RPL6: variants seen among roughly 807,000 people sequenced by gnomAD.
The protein encoded by RPL6 is large ribosomal subunit protein eL6.
In RPL6, 1 loss-of-function variant was observed where a neutral mutation model predicts 32.1. That is an observed-to-expected ratio of 0.03 (90% CI 0.01 to 0.15). The LOEUF (loss-of-function observed/expected upper bound fraction) is 0.15. Among genes scored for constraint, RPL6 ranks in the 10% least tolerant of loss-of-function variants. The probability of loss-of-function intolerance (pLI) is 1.00; values close to 1 mark genes in which losing one functional copy is unlikely to be tolerated. For missense variants in RPL6, 275 were observed against 354.6 expected (o/e 0.78, Z 1.80); for synonymous variants, 126 against 131.6 (o/e 0.96, Z 0.29).
rs200918470 is a variant in RPL6, at chr12:112,406,768, G to A, written c.459C>T (p.Leu153=). The A allele has an allele frequency of 1.4e-5, 22 of 1,614,122 alleles. No individual in the cohort carries two copies. The highest frequency in any genetic ancestry group is 1.7e-5 in the Non-Finnish European group (20 of 1,180,054). ...TCACCTTGCCCCTGTGGCGTCCAGT[G>A]AGGATGATCAGAATGGTCCCGGGGG... ...SITPGTILII[L]TGRHRGKRVV... Residue 153 remains leucine, a synonymous_variant, in exon 4 of 7, where the codon CTC becomes CTT. Transcript: ENST00000202773.
intron 1 of RPL6, among the ~76,000 whole-genome samples, chr12:112,416,428 C>T (rs1337478108): frequency 6.6e-6 from 1 of 152,028 alleles, no homozygotes; most frequent in Non-Finnish European, 1.5e-5. Context: ...CGTGAGCCAC[C>T]GCGCCCAGCC....
intron 1 of RPL6, among the ~76,000 whole-genome samples, chr12:112,417,467 C>G (rs576686198): frequency 6.6e-6 from 1 of 151,592 alleles, no homozygotes. Flanking sequence ...TATAGTATTC[C>G]GTATTTTGAC....
At chr12:112,410,302 G>T, upstream of RPL6, 1 of 286,886 alleles carries the variant, frequency 3.5e-6, no homozygotes, top group Non-Finnish European at 7.0e-6. Flanking sequence ...TTAGGTCAGT[G>T]GTCCCCTCTT....
rs1208983648 is a variant in RPL6, at chr12:112,405,292, G to A, written c.799C>T (p.Leu267Phe). 1.2e-6 allele frequency: 2 copies of A among 1,609,950 alleles called. No homozygotes were observed. Among genetic ancestry groups the A allele is most frequent in the Non-Finnish European group, 1.7e-6 (2 of 1,178,594 alleles). ...ILPKIKAIPQ[L>F]QGYLRSVFAL... ...AACACAGATCGCAGGTAGCCCTGGA[G>A]CTGAGGAATAGCTTTGATTTTTGGT... Residue 267 changes from leucine (L) to phenylalanine (F), a missense_variant, in exon 7 of 7, where the codon CTC (leucine) becomes TTC (phenylalanine). Physicochemically the swap from Leu to Phe is conservative, Grantham distance 22. Transcript: ENST00000202773.
chr12:112,408,502 C>G lies in RPL6; in HGVS notation c.155G>C (p.Arg52Thr), dbSNP rs767206475. ...AGATCGGGAATACCTGCCAATTCCT[C>G]TGACAAGGACAGGGTTGCGGCTGCA... ...PHCSRNPVLV[R>T]GIGRYSRSAM... Residue 52 changes from arginine to threonine, a missense_variant, in exon 2 of 7, where the codon AGA becomes ACA. Transcript: ENST00000202773. The G allele has an allele frequency of 6.2e-7, 1 of 1,613,860 alleles. No individual in the cohort carries two copies.
In RPL6 at chr12:112,409,396, G is replaced by A. The variant is rs192703232; in HGVS notation, c.-1+191C>T. ...GCGAAGAACCGGAGGGAGCCACTAC[G>A]GCATTCTACCTCACCCTCTTTGTGC... On this transcript the variant is annotated intron_variant, in intron 1 of 6. Transcript: ENST00000202773. 1.5e-3 allele frequency: 604 copies of A among 398,172 alleles called. 2 individuals are homozygous for A. The highest frequency in any genetic ancestry group is 0.012 in the African/African-American group (565 of 48,678). The allele number at this position is 398,172 out of a possible 1,614,324, so 24.7% of individuals were successfully genotyped here.
At chr12:112,409,939 A>C (rs2037310448), upstream of RPL6, among the ~76,000 whole-genome samples, 1 of 147,416 alleles carries the variant, frequency 6.8e-6, no homozygotes, top group Non-Finnish European at 1.5e-5. Flanking sequence ...TTGAATCTGG[A>C]GGTGGAGATT....
At chr12:112,412,117 G>C (rs2037347747), upstream of RPL6, among the ~76,000 whole-genome samples, 2 of 151,916 alleles carry the variant, frequency 1.3e-5, no homozygotes, top group South Asian at 2.1e-4. Flanking sequence ...TCGGCTCACT[G>C]CAACCTTCGC....
chr12:112,406,098 G>A, intron 5 of RPL6, 61 bp from the exon 6 acceptor site: 1 of 1,444,442 alleles, frequency 6.9e-7, no homozygotes. Flanking sequence ...CTGCAATTTA[G>A]GTGACCATTA....
chr12:112,408,132 T>A (rs2037232471), intron 3 of RPL6, 108 bp downstream of exon 3: 1 of 777,804 alleles, frequency 1.3e-6, no homozygotes. Context: ...TTATTTTCTA[T>A]CAGAAATTCT....
Position 112,418,795 on chromosome 12 carries a change from C to G in RPL6, c.-296G>C, listed in dbSNP as rs373537430. On this transcript the variant is annotated 5_prime_UTR_variant, in exon 1 of 6. Coordinates refer to the RPL6 transcript ENST00000551291. ...CACTGTGCGTGGCGCCTCCGCGGAG[C>G]CCCCGCGCTGCCATTCCCGGCCGTC... 62 of 452,704 alleles carry G rather than the reference C, an allele frequency of 1.4e-4. No individual in the cohort carries two copies. The highest frequency in any genetic ancestry group is 2.1e-4 in the Non-Finnish European group (52 of 252,824). 28.0% of individuals were successfully genotyped at this position (452,704 alleles called of 1,614,324 possible). A position where few individuals can be genotyped will look rare whatever the true frequency, so the allele number is the denominator to read the frequency against.
chr12:112,413,079 A>C (rs1023738071), upstream of RPL6, among the ~76,000 whole-genome samples: 3 of 152,124 alleles, frequency 2.0e-5, no homozygotes, highest in Non-Finnish European at 4.4e-5. Flanking sequence ...ACTGCTGGGG[A>C]TTGGGATATG....
At chr12:112,418,011 C>T (rs147193211) in intron 1 of RPL6, among the ~76,000 whole-genome samples, 158 of 148,726 alleles carry the variant, frequency 1.1e-3, no homozygotes, top group African/African-American at 3.6e-3. Flanking sequence ...GACGGAGTCT[C>T]GCTCTATTGC....
intron 1 of RPL6, among the ~76,000 whole-genome samples, chr12:112,416,080 T>G (rs1171296694): frequency 6.8e-6 from 1 of 146,558 alleles, no homozygotes; most frequent in Non-Finnish European, 1.5e-5. Flanking sequence ...TGCCTCAGCC[T>G]CCTGAGTAGC....
intron 5 of RPL6, 36 bp downstream of exon 5, chr12:112,406,258 G>GT (rs1566140457): frequency 6.3e-7 from 1 of 1,579,124 alleles, no homozygotes; most frequent in South Asian, 1.1e-5. Flanking sequence ...AAAAATGGAA[G>GT]TTTCACAGAA....
At chr12:112,406,470 C>T (rs1162190687) in intron 4 of RPL6, 128 bp from the exon 5 acceptor site, 1 of 866,914 alleles carries the variant, frequency 1.2e-6, no homozygotes, top group Non-Finnish European at 1.8e-6. Flanking sequence ...CTCGGCAGTT[C>T]TGGAAGCAAC....
At chr12:112,411,481 T>C (rs1371654393), upstream of RPL6, 1 of 152,034 alleles carries the variant, frequency 6.6e-6, no homozygotes, top group African/African-American at 2.4e-5. Flanking sequence ...AACACTGCCC[T>C]TTTTTTTGAG....
At chr12:112,414,630 G>A (rs774259047), upstream of RPL6, among the ~76,000 whole-genome samples, 23 of 152,134 alleles carry the variant, frequency 1.5e-4, no homozygotes, top group Non-Finnish European at 2.9e-4. Context: ...GCAGCCAGGC[G>A]CCGTGGCTCA....
At chr12:112,405,586 G>C in intron 6 of RPL6, 1 of 635,364 alleles carries the variant, frequency 1.6e-6, no homozygotes, top group Non-Finnish European at 2.7e-6. Flanking sequence ...GTATACTTTA[G>C]GACACATCAA....
Sources: gnomAD v4.1 joint callset for allele counts (sites outside exome capture counted in the v4.1 genomes callset) on GRCh38, gnomAD v4.1.1 for gene constraint, MANE v1.5 for transcripts, NCBI Gene and HGNC (gene_info 2026-07-23, HGNC 2026-07-21) for gene names.